Variants in DKKL1 observed in about 807,000 individuals in gnomAD.
DKKL1 encodes dickkopf-like protein 1.
A neutral mutation model predicts 16.5 loss-of-function variants in DKKL1; 11 were observed. That is an observed-to-expected ratio of 0.67 (90% confidence interval 0.42 to 1.10). The LOEUF (loss-of-function observed/expected upper bound fraction) is 1.10, where lower values mean the gene tolerates loss of function less well. Ranked by LOEUF, DKKL1 falls within the 50% of genes least tolerant of loss-of-function variation. DKKL1 has a pLI of 0.00. For missense variants in DKKL1, 320 were observed against 308.1 expected (o/e 1.04, Z -0.29); for synonymous variants, 119 against 133.2 (o/e 0.89, Z 0.73).
At chr19:49,373,410 T>G (rs533191470) in intron 4 of DKKL1, among the ~76,000 whole-genome samples, 1 of 152,178 alleles carries the variant, frequency 6.6e-6, no homozygotes, top group Non-Finnish European at 1.5e-5. Flanking sequence ...AAGGCCACAT[T>G]CTGAGGTATT....
At chr19:49,363,286 A>T (rs1973082515), upstream of DKKL1, 1 of 152,930 alleles carries the variant, frequency 6.5e-6, no homozygotes, top group Non-Finnish European at 1.5e-5. Context: ...GGTTCCTTGG[A>T]AGATGAAATA....
chr19:49,363,295 T>C (rs1398816715), upstream of DKKL1: 2 of 153,238 alleles, frequency 1.3e-5, no homozygotes, highest in Non-Finnish European at 2.9e-5. Context: ...GAAGATGAAA[T>C]ATAAGACTGG....
chr19:49,364,874 A>G, intron 2 of DKKL1, 120 bp downstream of exon 2: 1 of 1,219,704 alleles, frequency 8.2e-7, no homozygotes, highest in Non-Finnish European at 1.2e-6. Flanking sequence ...CAGGGAGACC[A>G]AGAGATAGGA....
chr19:49,368,894 T>C (rs1973363743), intron 4 of DKKL1: 3 of 152,226 alleles, frequency 2.0e-5, no homozygotes, highest in Admixed American at 2.0e-4. Context: ...GCCCTTTCCT[T>C]ATTTGGAAAT....
At chr19:49,367,942 G>A (rs1973322166) in intron 4 of DKKL1, among the ~76,000 whole-genome samples, 1 of 152,132 alleles carries the variant, frequency 6.6e-6, no homozygotes, top group South Asian at 2.1e-4. Flanking sequence ...TTGGGAGGCT[G>A]AGGCAGGAGG....
At chr19:49,361,607 C>T (rs1002858314), upstream of DKKL1, 3 of 152,240 alleles carry the variant, frequency 2.0e-5, no homozygotes, top group African/African-American at 7.2e-5. Flanking sequence ...GGCCCCGCCC[C>T]TCCCCTCCCC....
chr19:49,366,030 C>T (rs1289442648), intron 4 of DKKL1, 145 bp downstream of exon 4: 3 of 689,064 alleles, frequency 4.4e-6, no homozygotes, highest in South Asian at 2.2e-5. Context: ...GAAGTTCAGG[C>T]AATTCTCCTG....
intron 4 of DKKL1, among the ~76,000 whole-genome samples, chr19:49,367,280 C>A (rs2146774581): frequency 6.6e-6 from 1 of 152,234 alleles, no homozygotes; most frequent in Admixed American, 6.5e-5. Flanking sequence ...AGCTGATCCA[C>A]CTGCCTCGGC....
rs1014283534 is a variant in DKKL1, at chr19:49,374,608, C to T, written c.418-109C>T. 6 of 1,039,116 alleles carry T rather than the reference C, an allele frequency of 5.8e-6. No homozygotes were observed. In the East Asian group the frequency reaches 1.7e-4, roughly 29 times the overall value. The allele number at this position is 1,039,116 out of a possible 1,614,324, so 64.4% of individuals were successfully genotyped here. On this transcript the variant is annotated intron_variant, in intron 4 of 4. Transcript: ENST00000221498. ...TAAACCTCAAACAGGGCTTTTGAAC[C>T]CACAAAGCATCCTGTCATCTGCAAA...
At chr19:49,374,688 G>T (rs760663459) in intron 4 of DKKL1, 29 bp from the exon 5 acceptor site, 2 of 1,514,586 alleles carry the variant, frequency 1.3e-6, no homozygotes, top group African/African-American at 1.4e-5. Context: ...TTTGGAGTAT[G>T]AGAGGGTCTC....
intron 4 of DKKL1, among the ~76,000 whole-genome samples, chr19:49,371,887 G>C (rs867717567): frequency 2.0e-5 from 3 of 151,516 alleles, no homozygotes; most frequent in Non-Finnish European, 4.4e-5. Flanking sequence ...TTCTACTCTT[G>C]TGTTGGTTTG....
In DKKL1 at chr19:49,375,012, C is replaced by A; in HGVS notation, c.713C>A (p.Pro238His). 6.2e-7 allele frequency: 1 copy of A among 1,607,880 alleles called. No homozygotes were observed. Among genetic ancestry groups the A allele is most frequent in the Non-Finnish European group, 8.5e-7 (1 of 1,176,908 alleles). ...ACCCACTTACTGTACATCCTCAGGC[C>A]CTCTCGGCAGCTGTAGGGGTGGGGA... ...RKTHLLYILR[P>H]SRQL The change falls in exon 5 of 5, where the codon CCC becomes CAC. Residue 238 changes from proline (P) to histidine (H), a missense_variant. Pro to His is a moderately conservative substitution (Grantham distance 77). Transcript: ENST00000221498.
At position 49,374,894 on chromosome 19, in the gene DKKL1, G is replaced by A; in HGVS notation, c.595G>A (p.Ala199Thr). The A allele has an allele frequency of 6.2e-7, 1 of 1,614,080 alleles. No homozygotes were observed. The highest frequency in any genetic ancestry group is 1.3e-5 in the African/African-American group (1 of 75,060). The change falls in exon 5 of 5, where the codon GCC becomes ACC. Residue 199 changes from alanine (A) to threonine (T), a missense_variant. Physicochemically the swap from Ala to Thr is moderately conservative, Grantham distance 58. Transcript: ENST00000221498. The part of the protein sequence containing the change: ...WLSEKRHRLQ[A>T]IRDGLRKGTH... ...CAGCGAGAAGCGACACCGCCTGCAG[G>A]CCATCCGGGATGGACTCCGCAAGGG...
chr19:49,362,557 C>G (rs1973036631), upstream of DKKL1: 1 of 151,932 alleles, frequency 6.6e-6, no homozygotes, highest in Non-Finnish European at 1.5e-5. Flanking sequence ...AGAGATTAGT[C>G]TATCTCGGGG....
chr19:49,365,521 C>T lies in DKKL1; in HGVS notation c.196C>T (p.Arg66Trp), dbSNP rs1438942073. The T allele has an allele frequency of 4.4e-6, 7 of 1,606,418 alleles. No homozygotes were observed. Among genetic ancestry groups the T allele is most frequent in the Non-Finnish European group, 5.1e-6 (6 of 1,175,544 alleles). The part of the protein sequence containing the change: ...SRLFLKGNLL[R>W]GIDSLFSAPM... Reference sequence around the variant, plus strand: ...CCTCCGGCCCCAGGGTAACCTGCTTCGGGGCATAGACAGCTTATTCTCTGC... The same window carrying T: ...CCTCCGGCCCCAGGGTAACCTGCTTTGGGGCATAGACAGCTTATTCTCTGC... The change falls in exon 3 of 5, where the codon CGG (arginine) becomes TGG (tryptophan). Residue 66 changes from arginine (R) to tryptophan (W), a missense_variant. By Grantham distance (101) the Arg-to-Trp change is moderately radical. Coordinates refer to ENST00000221498, the MANE Select transcript of DKKL1 (RefSeq NM_014419.4).
chr19:49,362,210 G>C (rs1057078509), upstream of DKKL1: 1 of 152,650 alleles, frequency 6.6e-6, no homozygotes, highest in Non-Finnish European at 1.5e-5. Flanking sequence ...TCCTCACTGA[G>C]GCTCGGTCAC....
chr19:49,372,355 T>C (rs1973526827), intron 4 of DKKL1, among the ~76,000 whole-genome samples: 1 of 151,640 alleles, frequency 6.6e-6, no homozygotes, highest in African/African-American at 2.4e-5. Flanking sequence ...GGTCAGGAGT[T>C]CGAGACCAGC....
intron 4 of DKKL1, among the ~76,000 whole-genome samples, chr19:49,367,874 A>T (rs1403983056): frequency 6.6e-6 from 1 of 152,228 alleles, no homozygotes; most frequent in Non-Finnish European, 1.5e-5. Context: ...TTTATTTAAA[A>T]TTTTATTTTA....
chr19:49,374,873 G>A lies in DKKL1; in HGVS notation c.574G>A (p.Glu192Lys), dbSNP rs998748923. Residue 192 changes from glutamate (E) to lysine (K), a missense_variant, in exon 5 of 5, where the codon GAG becomes AAG. By Grantham distance (56) the Glu-to-Lys change is moderately conservative. Coordinates refer to ENST00000221498, the MANE Select transcript of DKKL1 (RefSeq NM_014419.4). ...DALEGGHWLS[E>K]KRHRLQAIRD... is the part of the protein sequence containing the mutation. Reference sequence around the variant, plus strand: ...CCTGGAGGGCGGCCACTGGCTCAGCGAGAAGCGACACCGCCTGCAGGCCAT... The same window carrying A: ...CCTGGAGGGCGGCCACTGGCTCAGCAAGAAGCGACACCGCCTGCAGGCCAT... 6 of 1,613,886 alleles carry A rather than the reference G, an allele frequency of 3.7e-6. No homozygotes were observed. The South Asian group carries it at 4.4e-5, about 12-fold the overall frequency.
Sources: gnomAD v4.1 joint callset for allele counts (sites outside exome capture counted in the v4.1 genomes callset) on GRCh38, gnomAD v4.1.1 for gene constraint, MANE v1.5 for transcripts, NCBI Gene and HGNC (gene_info 2026-07-23, HGNC 2026-07-21) for gene names.